The following FOXP1 variants were observed in gnomAD, a reference collection of about 807,000 sequenced individuals.
FOXP1 encodes forkhead box P1.
FOXP1 carries 15 observed loss-of-function variants against 98.2 expected under a neutral mutation model. The ratio of observed to expected loss-of-function variants is 0.15; its 90% CI spans 0.10 to 0.24. The LOEUF is 0.24. Among genes scored for constraint, FOXP1 ranks in the 10% least tolerant of loss-of-function variants. The pLI, the probability that FOXP1 is intolerant of heterozygous loss-of-function variation, is 1.00. For missense variants in FOXP1, 633 were observed against 848.5 expected (o/e 0.75, Z 3.15); for synonymous variants, 371 against 314.5 (o/e 1.18, Z -1.90).
chr3:71,328,990 C>CAAAAAAAAAAAAAAA, intron 4 of FOXP1, among the ~76,000 whole-genome samples: 1 of 59,026 alleles, frequency 1.7e-5, no homozygotes, highest in Non-Finnish European at 3.6e-5. Flanking sequence ...AAAAAAAAAA[C>CAAAAAAAAAAAAAAA]AAAAAAAAAA....
chr3:71,404,492 C>A (rs1252679468), intron 3 of FOXP1, among the ~76,000 whole-genome samples: 1 of 150,852 alleles, frequency 6.6e-6, no homozygotes, highest in Non-Finnish European at 1.5e-5. Context: ...ATTTGTTTCC[C>A]AAAAATCCCA....
chr3:70,978,103 G>GT, intron 14 of FOXP1, 74 bp from the exon 15 acceptor site: 1 of 1,253,888 alleles, frequency 8.0e-7, no homozygotes, highest in Non-Finnish European at 1.2e-6. Context: ...TCTAGCAGGA[G>GT]TAACACAGAG....
intron 2 of FOXP1, among the ~76,000 whole-genome samples, chr3:71,510,713 G>C (rs1405176124): frequency 6.6e-6 from 1 of 152,164 alleles, no homozygotes; most frequent in Non-Finnish European, 1.5e-5. Context: ...GTCCAATCGA[G>C]TCAGCAGACC....
chr3:71,436,406 G>C (rs898243132), intron 3 of FOXP1, among the ~76,000 whole-genome samples: 2 of 152,110 alleles, frequency 1.3e-5, no homozygotes, highest in Non-Finnish European at 2.9e-5. Flanking sequence ...CTTGTGGTCT[G>C]AGGAGTGTGG....
chr3:71,092,693 G>A (rs986749823), intron 7 of FOXP1, among the ~76,000 whole-genome samples: 3 of 152,030 alleles, frequency 2.0e-5, no homozygotes, highest in Non-Finnish European at 4.4e-5. Flanking sequence ...GAGGGAGGGC[G>A]TTTGGCTTAT....
At chr3:71,409,710 C>G (rs2082592900) in intron 3 of FOXP1, among the ~76,000 whole-genome samples, 2 of 152,104 alleles carry the variant, frequency 1.3e-5, no homozygotes, top group African/African-American at 4.8e-5. Context: ...TGGGGTTAAA[C>G]TGCCTGGGTT....
At chr3:71,515,673 A>G (rs1577958818) in intron 2 of FOXP1, among the ~76,000 whole-genome samples, 1 of 152,242 alleles carries the variant, frequency 6.6e-6, no homozygotes, top group East Asian at 1.9e-4. Context: ...CTGTGTGGCT[A>G]CAGAAGAGAA....
rs7625992 is a variant in FOXP1 at position 71,298,199 on chromosome 3, C to A, written c.-12+1621G>T. On this transcript the variant is annotated intron_variant, in intron 5 of 20. Transcript: ENST00000649528. ...TAGAAAACTGAGGCCGGGAGCAGTG[C>A]CTCACGCCTGTAATCCCAACACTTT... 2.6e-5 allele frequency among the ~76,000 whole-genome samples: 4 copies of A among 152,246 alleles called. No individual in the cohort carries two copies. In the South Asian group the frequency reaches 6.2e-4, roughly 24 times the overall value.
At chr3:71,076,195 C>T (rs542980739) in intron 7 of FOXP1, among the ~76,000 whole-genome samples, 1 of 152,290 alleles carries the variant, frequency 6.6e-6, no homozygotes, top group South Asian at 2.1e-4. Flanking sequence ...TCCCAGCCAC[C>T]CTGGCTCCAG....
chr3:71,024,155 T>A (rs2045811028), intron 11 of FOXP1, among the ~76,000 whole-genome samples: 1 of 152,144 alleles, frequency 6.6e-6, no homozygotes. Flanking sequence ...GTCTTACACC[T>A]GCCCAAAGAC....
At chr3:71,214,623 T>G (rs769863542) in intron 5 of FOXP1, among the ~76,000 whole-genome samples, 5 of 152,174 alleles carry the variant, frequency 3.3e-5, no homozygotes, top group Non-Finnish European at 5.9e-5. Context: ...GGAATTAAAA[T>G]TACTAGTCTT....
At chr3:71,311,855 C>T (rs1426566695) in intron 4 of FOXP1, among the ~76,000 whole-genome samples, 3 of 152,192 alleles carry the variant, frequency 2.0e-5, no homozygotes, top group African/African-American at 7.2e-5. Flanking sequence ...ACCTTTCCAT[C>T]CCATTTCCTT....
intron 4 of FOXP1, among the ~76,000 whole-genome samples, chr3:71,325,977 A>G (rs1340730654): frequency 6.6e-6 from 1 of 152,212 alleles, no homozygotes; most frequent in Non-Finnish European, 1.5e-5. Context: ...AATGATTTAC[A>G]TTCTGCTGAC....
In FOXP1 at chr3:71,316,681, T is replaced by C. The variant is rs182789129; in HGVS notation, c.-72-16801A>G. Among the ~76,000 whole-genome samples, 1,010 of 150,392 alleles carry C rather than the reference T, an allele frequency of 6.7e-3. 25 individuals carry two copies. The highest frequency in any genetic ancestry group is 4.6e-3 in the Non-Finnish European group (310 of 67,518). On this transcript the variant is annotated intron_variant, in intron 4 of 20. Coordinates refer to ENST00000649528, the MANE Select transcript of FOXP1 (RefSeq NM_001349338.3). The stretch of plus-strand genomic sequence containing the variant: ...TATTCTTTTTTTTTTTTTTTTGAGA[T>C]GGAGTCTTGCTCTGTCGCCAGGCTG...
At chr3:71,049,428 T>C (rs2049526852) in intron 9 of FOXP1, among the ~76,000 whole-genome samples, 1 of 152,156 alleles carries the variant, frequency 6.6e-6, no homozygotes, top group Admixed American at 6.5e-5. Context: ...ATAGCTGTAT[T>C]GGGCCTACAT....
intron 3 of FOXP1, among the ~76,000 whole-genome samples, chr3:71,443,149 C>T (rs2086104945): frequency 6.6e-6 from 1 of 152,210 alleles, no homozygotes; most frequent in Non-Finnish European, 1.5e-5. Flanking sequence ...CCGCCTCGGC[C>T]TCCCAAAGTG....
intron 7 of FOXP1, among the ~76,000 whole-genome samples, chr3:71,059,518 GT>G (rs1187274963): frequency 1.3e-5 from 2 of 152,124 alleles, no homozygotes; most frequent in Non-Finnish European, 1.5e-5. Flanking sequence ...ATTAGCAATT[GT>G]TAAATACAGG....
chr3:71,416,167 T>C (rs1184106309), intron 3 of FOXP1, among the ~76,000 whole-genome samples: 2 of 152,122 alleles, frequency 1.3e-5, no homozygotes, highest in East Asian at 3.8e-4. Flanking sequence ...AACAAAGATG[T>C]GTATAAAACC....
At chr3:71,396,995 CACATATATATGTGTATATATATATATAT>C (rs2081482092) in intron 3 of FOXP1, among the ~76,000 whole-genome samples, 5 of 46,104 alleles carry the variant, frequency 1.1e-4, no homozygotes, top group African/African-American at 4.9e-4. Context: ...TATATATATA[CACATATATATGTGTATATATATATATAT>C]ACATATATAT....
Sources: allele counts gnomAD v4.1 joint callset (sites outside exome capture counted in the v4.1 genomes callset), GRCh38; gene constraint gnomAD v4.1.1; transcripts MANE v1.5; gene names NCBI Gene and HGNC (gene_info 2026-07-23, HGNC 2026-07-21).